NVL: variants seen among roughly 807,000 people sequenced by gnomAD.
NVL encodes the protein nuclear valosin-containing protein-like.
A neutral mutation model predicts 110.2 loss-of-function variants in NVL; 84 were observed. The ratio of observed to expected loss-of-function variants is 0.76; its 90% CI spans 0.64 to 0.91. The LOEUF is 0.91. Among genes scored for constraint, NVL ranks in the 40% least tolerant of loss-of-function variants. NVL has a pLI of 0.00. For synonymous variants in NVL, 354 were observed against 361.1 expected (o/e 0.98, Z 0.22); for missense variants, 882 against 1,035.9 (o/e 0.85, Z 2.04).
chr1:224,295,459 C>T (rs957366024), intron 11 of NVL, among the ~76,000 whole-genome samples: 3 of 152,062 alleles, frequency 2.0e-5, no homozygotes, highest in African/African-American at 7.2e-5. Context: ...CTCGGCCTCC[C>T]AAAGTGCTAA....
intron 2 of NVL, among the ~76,000 whole-genome samples, chr1:224,318,423 G>A (rs111736403): frequency 6.6e-6 from 1 of 151,566 alleles, no homozygotes; most frequent in African/African-American, 2.4e-5. Context: ...GCCAACATAG[G>A]GAAACCCTAT....
chr1:224,299,300 G>C (rs1456302977), intron 10 of NVL, among the ~76,000 whole-genome samples: 1 of 152,084 alleles, frequency 6.6e-6, no homozygotes, highest in Non-Finnish European at 1.5e-5. Flanking sequence ...CAGTGACCTG[G>C]AAAGTTGAAT....
At chr1:224,236,746 A>T in intron 19 of NVL, 164 bp from the exon 20 acceptor site, 1 of 518,000 alleles carries the variant, frequency 1.9e-6, no homozygotes, top group Non-Finnish European at 3.6e-6. Flanking sequence ...CCCCATCTCT[A>T]CTACAAATAC....
At chr1:224,271,644 A>T (rs893495888) in intron 17 of NVL, among the ~76,000 whole-genome samples, 9 of 152,166 alleles carry the variant, frequency 5.9e-5, no homozygotes, top group Non-Finnish European at 1.0e-4. Flanking sequence ...ATGGAAAGAA[A>T]TTTACTCTCT....
chr1:224,246,334 T>C (rs1661819692), intron 19 of NVL, among the ~76,000 whole-genome samples: 1 of 152,150 alleles, frequency 6.6e-6, no homozygotes, highest in African/African-American at 2.4e-5. Context: ...CTGGCCGAAG[T>C]GGGGTACTTT....
chr1:224,233,376 T>C, intron 20 of NVL, 87 bp from the exon 21 acceptor site: 2 of 907,768 alleles, frequency 2.2e-6, no homozygotes. Flanking sequence ...ATATAAGTCA[T>C]ATATTAAATA....
At chr1:224,285,984 A>T in intron 15 of NVL, 42 bp downstream of exon 15, 1 of 1,408,330 alleles carries the variant, frequency 7.1e-7, no homozygotes, top group South Asian at 1.2e-5. Flanking sequence ...ATCCTATCTG[A>T]TACTAAGAAA....
At position 224,283,269 on chromosome 1, in the gene NVL, C is replaced by A. The variant is rs938142789; in HGVS notation, c.1900-2084G>T. On this transcript the variant is annotated intron_variant, in intron 15 of 22. Coordinates refer to ENST00000281701, the MANE Select transcript of NVL (RefSeq NM_002533.4). ...TTGGGAGGCTGACACGGGTGGATCA[C>A]GAGGTCAGGAGATCGAGACCATCCT... Among the ~76,000 whole-genome samples, 4 of 152,176 alleles carry A rather than the reference C, an allele frequency of 2.6e-5. No homozygotes were observed. In the South Asian group the frequency reaches 8.3e-4, roughly 32 times the overall value.
chr1:224,236,101 A>G (rs1660441610), intron 20 of NVL, among the ~76,000 whole-genome samples: 1 of 152,192 alleles, frequency 6.6e-6, no homozygotes, highest in African/African-American at 2.4e-5. Context: ...CAACACAAAC[A>G]TAGGAAGGAT....
At chr1:224,297,728 C>T (rs1191922307) in intron 10 of NVL, 1 of 160,370 alleles carries the variant, frequency 6.2e-6, no homozygotes, top group Non-Finnish European at 1.4e-5. Context: ...GTTCCTTTGG[C>T]TATATGTATG....
chr1:224,304,286 G>C (rs752612851), intron 8 of NVL, among the ~76,000 whole-genome samples: 5 of 151,988 alleles, frequency 3.3e-5, no homozygotes, highest in Non-Finnish European at 7.4e-5. Context: ...TTAGCTGGGC[G>C]TGGTGGCACA....
At chr1:224,261,430 T>A (rs1033821909) in intron 18 of NVL, among the ~76,000 whole-genome samples, 1 of 152,234 alleles carries the variant, frequency 6.6e-6, no homozygotes, top group African/African-American at 2.4e-5. Context: ...GTTTCATAAT[T>A]GTGCAGGAAT....
chr1:224,306,775 G>A (rs767700009), intron 6 of NVL, among the ~76,000 whole-genome samples: 7 of 152,130 alleles, frequency 4.6e-5, no homozygotes, highest in Non-Finnish European at 1.0e-4. Context: ...GGAGGTTATA[G>A]TGAGCCGTGA....
chr1:224,253,650 T>G (rs939571432), intron 18 of NVL, among the ~76,000 whole-genome samples: 3 of 149,818 alleles, frequency 2.0e-5, no homozygotes, highest in Non-Finnish European at 4.4e-5. Flanking sequence ...GGAGAATCAC[T>G]TGAACTCAGG....
At chr1:224,311,907 TA>T in intron 4 of NVL, 50 bp from the exon 5 acceptor site, 11 of 1,403,676 alleles carry the variant, frequency 7.8e-6, no homozygotes, top group Non-Finnish European at 1.0e-5. Context: ...TCCCATATCC[TA>T]AAAAAATGAC....
chr1:224,239,275 T>C (rs1207509858), intron 19 of NVL, among the ~76,000 whole-genome samples: 1 of 152,140 alleles, frequency 6.6e-6, no homozygotes, highest in African/African-American at 2.4e-5. Flanking sequence ...ATGGCCCTTA[T>C]AGAACTTTGT....
At chr1:224,321,249 A>G (rs918894120) in intron 2 of NVL, among the ~76,000 whole-genome samples, 2 of 152,202 alleles carry the variant, frequency 1.3e-5, no homozygotes, top group Non-Finnish European at 2.9e-5. Flanking sequence ...TGTCTCCAAA[A>G]AATAAATAAA....
At chr1:224,271,617 G>C (rs560437292) in intron 17 of NVL, among the ~76,000 whole-genome samples, 21 of 152,082 alleles carry the variant, frequency 1.4e-4, no homozygotes, top group Admixed American at 2.6e-4. Context: ...CCTCCAAAAA[G>C]AGTAATACGG....
chr1:224,248,788 C>A (rs1053346446), intron 19 of NVL, among the ~76,000 whole-genome samples: 5 of 152,172 alleles, frequency 3.3e-5, no homozygotes, highest in Non-Finnish European at 7.3e-5. Flanking sequence ...TGGAGACAAG[C>A]AGCCTGAGGA....
Sources: gnomAD v4.1 joint callset for allele counts (sites outside exome capture counted in the v4.1 genomes callset) on GRCh38, gnomAD v4.1.1 for gene constraint, MANE v1.5 for transcripts, NCBI Gene and HGNC (gene_info 2026-07-23, HGNC 2026-07-21) for gene names.